Variants in NT5E observed in about 807,000 individuals in gnomAD.
The protein encoded by NT5E is 5'-nucleotidase.
NT5E carries 53 observed loss-of-function variants against 55.1 expected under a neutral mutation model. The observed-to-expected ratio is 0.96, with a 90% confidence interval of 0.77 to 1.21. NT5E has a LOEUF of 1.21. Among genes scored for constraint, NT5E ranks in the 50% most tolerant of loss-of-function variants. The pLI, the probability that NT5E is intolerant of heterozygous loss-of-function variation, is 0.00. For missense variants in NT5E, 683 were observed against 724.3 expected (o/e 0.94, Z 0.65); for synonymous variants, 270 against 278.4 (o/e 0.97, Z 0.30).
intron 1 of NT5E, among the ~76,000 whole-genome samples, chr6:85,458,200 G>A (rs191489438): frequency 6.6e-6 from 1 of 152,350 alleles, no homozygotes; most frequent in East Asian, 1.9e-4. Flanking sequence ...GCTTGAAAGA[G>A]AGATTCTGTT....
intron 3 of NT5E, among the ~76,000 whole-genome samples, chr6:85,484,513 A>G (rs1238773398): frequency 6.6e-6 from 1 of 152,128 alleles, no homozygotes; most frequent in Admixed American, 6.6e-5. Context: ...GAACCTGACC[A>G]GTGTGAGGGC....
chr6:85,458,299 T>C (rs1769026136), intron 1 of NT5E, among the ~76,000 whole-genome samples: 1 of 151,998 alleles, frequency 6.6e-6, no homozygotes, highest in Non-Finnish European at 1.5e-5. Context: ...GTCTAGGGGG[T>C]TGTGGATCCC....
chr6:85,462,575 A>G (rs1769117851), intron 1 of NT5E, among the ~76,000 whole-genome samples: 1 of 152,098 alleles, frequency 6.6e-6, no homozygotes, highest in African/African-American at 2.4e-5. Context: ...CCATCTGTCC[A>G]CTGTGTCTGT....
intron 8 of NT5E, among the ~76,000 whole-genome samples, chr6:85,492,960 AG>A (rs1769817687): frequency 6.6e-6 from 1 of 152,150 alleles, no homozygotes; most frequent in Non-Finnish European, 1.5e-5. Flanking sequence ...CTGGGAGGAA[AG>A]GTGCTGGCTT....
chr6:85,490,995 C>G (rs544565576), intron 7 of NT5E: 5 of 485,840 alleles, frequency 1.0e-5, no homozygotes, highest in African/African-American at 1.0e-4. Flanking sequence ...TTTAAATCCT[C>G]TCCTCTGTTC....
Position 85,471,270 on chromosome 6 carries a change from C to T in NT5E, c.596C>T (p.Ala199Val). 3 of 1,610,514 alleles carry T rather than the reference C, an allele frequency of 1.9e-6. No individual in the cohort carries two copies. The highest frequency in any genetic ancestry group is 2.5e-6 in the Non-Finnish European group (3 of 1,177,772). The change falls in exon 3 of 9, where the codon GCA (alanine) becomes GTA (valine). Residue 199 changes from alanine (A) to valine (V), a missense_variant. Ala to Val is a moderately conservative substitution (Grantham distance 64, BLOSUM62 0). Coordinates refer to ENST00000257770, the MANE Select transcript of NT5E (RefSeq NM_002526.4). Reference sequence around the variant, plus strand: ...TTAGTGTTTGAAGATGAAATCACTGCATTACAACCTGAAGTAGATAAGTTA... The same window carrying T: ...TTAGTGTTTGAAGATGAAATCACTGTATTACAACCTGAAGTAGATAAGTTA... ...TNLVFEDEIT[A>V]LQPEVDKLKT...
intron 3 of NT5E, among the ~76,000 whole-genome samples, chr6:85,474,441 A>G (rs1769384189): frequency 6.6e-6 from 1 of 152,248 alleles, no homozygotes; most frequent in African/African-American, 2.4e-5. Flanking sequence ...GGACTGGATG[A>G]AAGAAAGATT....
At chr6:85,475,752 A>G (rs1210347172) in intron 3 of NT5E, among the ~76,000 whole-genome samples, 1 of 152,176 alleles carries the variant, frequency 6.6e-6, no homozygotes, top group African/African-American at 2.4e-5. Context: ...TGGATTCTGC[A>G]AATCAATCTG....
At chr6:85,488,643 T>C (rs1478101030) in intron 5 of NT5E, among the ~76,000 whole-genome samples, 1 of 152,114 alleles carries the variant, frequency 6.6e-6, no homozygotes, top group Non-Finnish European at 1.5e-5. Flanking sequence ...TGCAGTGGCA[T>C]GATCTCAGCT....
At position 85,485,358 on chromosome 6, in the gene NT5E, T is replaced by C. The variant is rs1769629404; in HGVS notation, c.875T>C (p.Ile292Thr). ...AFGKYLGYLK[I>T]EFDERGNVIS... is the part of the protein sequence containing the mutation. Reference sequence around the variant, plus strand: ...GGCAAATACCTAGGCTATCTGAAGATCGAGTTTGATGAAAGAGGAAACGTC... The same window carrying C: ...GGCAAATACCTAGGCTATCTGAAGACCGAGTTTGATGAAAGAGGAAACGTC... Residue 292 changes from isoleucine (I) to threonine (T), a missense_variant, in exon 4 of 9, where the codon ATC becomes ACC. Physicochemically the swap from Ile to Thr is moderately conservative, Grantham distance 89 (BLOSUM62 -1). Coordinates refer to ENST00000257770, the MANE Select transcript of NT5E (RefSeq NM_002526.4). 1 of 1,614,158 alleles carries C rather than the reference T, an allele frequency of 6.2e-7. No homozygotes were observed. The highest frequency in any genetic ancestry group is 8.5e-7 in the Non-Finnish European group (1 of 1,180,020).
intron 8 of NT5E, 85 bp from the exon 9 acceptor site, chr6:85,493,756 T>C: frequency 8.5e-7 from 1 of 1,177,810 alleles, no homozygotes; most frequent in Non-Finnish European, 1.2e-6. Flanking sequence ...TGAAATTGCT[T>C]CCCTTTTATA....
chr6:85,477,102 C>A (rs1358388094), intron 3 of NT5E, among the ~76,000 whole-genome samples: 2 of 152,116 alleles, frequency 1.3e-5, no homozygotes, highest in Non-Finnish European at 2.9e-5. Context: ...ATCTTTCTCA[C>A]TCCCTTATTT....
rs1378117016 is a variant in NT5E at position 85,475,725 on chromosome 6, G to C, written c.751+4300G>C. Among the ~76,000 whole-genome samples, 3 of 152,174 alleles carry C rather than the reference G, an allele frequency of 2.0e-5. No individual in the cohort carries two copies. In the East Asian group the frequency reaches 5.8e-4, roughly 29 times the overall value. On this transcript the variant is annotated intron_variant, in intron 3 of 8. Coordinates refer to ENST00000257770, the MANE Select transcript of NT5E (RefSeq NM_002526.4). ...ATGCTGTTTCTCTGTTTGCCTCCCA[G>C]TATTTTAAGTGAGTTTTGGATTCTG...
intron 4 of NT5E, among the ~76,000 whole-genome samples, 177 bp from the exon 5 acceptor site, chr6:85,487,158 A>G (rs1337195879): frequency 2.0e-5 from 3 of 152,258 alleles, no homozygotes; most frequent in African/African-American, 7.2e-5. Context: ...AGGTCTTATT[A>G]CCAGGAAACA....
chr6:85,461,054 ATAAT>A (rs1769090004), intron 1 of NT5E, among the ~76,000 whole-genome samples: 2 of 152,244 alleles, frequency 1.3e-5, no homozygotes, highest in South Asian at 4.1e-4. Context: ...CTGTTATTAA[ATAAT>A]TAAATAATAT....
At chr6:85,490,903 T>G in intron 7 of NT5E, 1 of 568,036 alleles carries the variant, frequency 1.8e-6, no homozygotes, top group Non-Finnish European at 3.2e-6. Flanking sequence ...GATTTGGACA[T>G]CAGATGGGCC....
chr6:85,469,744 A>G (rs1248292839), intron 2 of NT5E, among the ~76,000 whole-genome samples: 2 of 152,238 alleles, frequency 1.3e-5, no homozygotes, highest in East Asian at 3.8e-4. Context: ...CCTATGAGTT[A>G]CAGACAGCCT....
At chr6:85,460,186 A>G (rs1003404416) in intron 1 of NT5E, among the ~76,000 whole-genome samples, 2 of 152,236 alleles carry the variant, frequency 1.3e-5, no homozygotes, top group African/African-American at 4.8e-5. Context: ...AAACAAATGC[A>G]TGATATCATT....
In NT5E at chr6:85,485,291, G is replaced by A; in HGVS notation, c.808G>A (p.Asp270Asn). 1.2e-6 allele frequency: 2 copies of A among 1,614,218 alleles called. No individual in the cohort carries two copies. Among genetic ancestry groups the A allele is most frequent in the Non-Finnish European group, 1.7e-6 (2 of 1,180,034 alleles). ...AGKYPFIVTSDDGRKVPVVQA... is the reference protein window; with the variant it reads ...AGKYPFIVTSNDGRKVPVVQA... ...GAAGTACCCATTCATAGTCACTTCT[G>A]ATGATGGGCGGAAGGTTCCTGTAGT... The change falls in exon 4 of 9, where the codon GAT becomes AAT. Residue 270 changes from aspartate (D) to asparagine (N), a missense_variant. Physicochemically the swap from Asp to Asn is conservative, Grantham distance 23. Coordinates refer to ENST00000257770, the MANE Select transcript of NT5E (RefSeq NM_002526.4).
Sources: allele counts gnomAD v4.1 joint callset (sites outside exome capture counted in the v4.1 genomes callset), GRCh38; gene constraint gnomAD v4.1.1; transcripts MANE v1.5; gene names NCBI Gene and HGNC (gene_info 2026-07-23, HGNC 2026-07-21).